TRAPPC2: variants seen among roughly 807,000 people sequenced by gnomAD.
TRAPPC2 encodes trafficking protein particle complex subunit 2.
In TRAPPC2, 4 loss-of-function variants were observed where a neutral mutation model predicts 10.0. The ratio of observed to expected loss-of-function variants is 0.40; its 90% CI spans 0.20 to 0.92. The LOEUF (loss-of-function observed/expected upper bound fraction) is 0.92. Among genes scored for constraint, TRAPPC2 ranks in the 40% least tolerant of loss-of-function variants. The pLI is 0.35. For missense variants in TRAPPC2, 52 were observed against 108.7 expected (o/e 0.48, Z 2.32); for synonymous variants, 36 against 37.3 (o/e 0.97, Z 0.12).
intron 3 of TRAPPC2, among the ~76,000 whole-genome samples, chrX:13,717,279 G>A (rs943262344): frequency 9.0e-6 from 1 of 111,231 alleles, no homozygotes; most frequent in Non-Finnish European, 1.9e-5. Context: ...AGCCCCAGCT[G>A]TGAGCAGTCG....
Position 13,714,234 on chromosome X carries a change from C to T in TRAPPC2, c.*173G>A, listed in dbSNP as rs185982935. On this transcript the variant is annotated 3_prime_UTR_variant, in exon 6 of 6. Transcript: ENST00000380579. ...GGAAATACCAATTGATCTATTGATA[C>T]GTGACATGAGACAGAATGTACTATT... 2.6e-3 allele frequency: 764 copies of T among 289,561 alleles called. 4 individuals carry two copies. The highest frequency in any genetic ancestry group is 0.018 in the African/African-American group (646 of 35,522). 23.9% of individuals were successfully genotyped at this position (289,561 alleles called of 1,213,427 possible).
In TRAPPC2 at chrX:13,714,521, G is replaced by C. The variant is rs2046258989; in HGVS notation, c.325-16C>G. The C allele has an allele frequency of 7.4e-6, 7 of 942,118 alleles. No homozygotes were observed. The highest frequency in any genetic ancestry group is 1.0e-5 in the Non-Finnish European group (7 of 693,240). 77.6% of individuals were successfully genotyped at this position (942,118 alleles called of 1,213,427 possible). A position where few individuals can be genotyped will look rare whatever the true frequency, so the allele number is the denominator to read the frequency against. On this transcript the variant is annotated splice_polypyrimidine_tract_variant and intron_variant, in intron 5 of 5. Transcript: ENST00000380579. Reference sequence around the variant, plus strand: ...TCATTGAAAACTAGGAAAGAAGAAAGTATTAGTGAAGCAAAAAAGCTGACA... The same window carrying C: ...TCATTGAAAACTAGGAAAGAAGAAACTATTAGTGAAGCAAAAAAGCTGACA...
intron 1 of TRAPPC2, 39 bp from the exon 2 acceptor site, chrX:13,734,224 A>G: frequency 2.3e-6 from 1 of 439,911 alleles, no homozygotes; most frequent in Non-Finnish European, 4.0e-6. Context: ...TAAACCTACA[A>G]TGCACAGGAC....
intron 2 of TRAPPC2, chrX:13,720,931 C>A (rs2046392583): frequency 9.3e-6 from 1 of 107,372 alleles, no homozygotes; most frequent in Non-Finnish European, 1.9e-5. Flanking sequence ...GAGGCTGACG[C>A]AGGAGGATCA....
At chrX:13,716,488 G>A (rs1414058140) in intron 4 of TRAPPC2, 46 bp downstream of exon 4, 1 of 1,201,356 alleles carries the variant, frequency 8.3e-7, no homozygotes, top group African/African-American at 1.8e-5. Context: ...TCTGGTTTGT[G>A]AGCCCAAACT....
rs182744941 is a variant in TRAPPC2, at chrX:13,733,384, C to T, written c.-20+660G>A. Among the ~76,000 whole-genome samples the T allele has an allele frequency of 2.7e-5, 3 of 111,634 alleles. No homozygotes were observed. In the East Asian group the frequency reaches 8.4e-4, roughly 31 times the overall value. Reference sequence around the variant, plus strand: ...ATTTTTTCTCCCAAATTCACTTTGACTATATCGAGTTCAGAGCTACTATCA... The same window carrying T: ...ATTTTTTCTCCCAAATTCACTTTGATTATATCGAGTTCAGAGCTACTATCA... On this transcript the variant is annotated intron_variant, in intron 2 of 5. Transcript: ENST00000380579.
chrX:13,722,789 C>T (rs191687758), intron 2 of TRAPPC2, among the ~76,000 whole-genome samples: 39 of 111,736 alleles, frequency 3.5e-4, no homozygotes, highest in African/African-American at 1.2e-3. Flanking sequence ...GTAGGCCAGG[C>T]GCGGTGGCTC....
At chrX:13,723,714 T>G (rs2046478539) in intron 2 of TRAPPC2, among the ~76,000 whole-genome samples, 1 of 110,500 alleles carries the variant, frequency 9.0e-6, no homozygotes, top group African/African-American at 3.3e-5. Flanking sequence ...ACACAGAATT[T>G]GGGAATAGAT....
Position 13,719,995 on chromosome X carries a change from A to C in TRAPPC2, c.-19-13T>G, listed in dbSNP as rs1317209734. 9.8e-7 allele frequency: 1 copy of C among 1,018,298 alleles called. No homozygotes were observed. The highest frequency in any genetic ancestry group is 1.3e-6 in the Non-Finnish European group (1 of 762,573). 83.9% of individuals were successfully genotyped at this position (1,018,298 alleles called of 1,213,427 possible). On this transcript the variant is annotated splice_polypyrimidine_tract_variant and intron_variant, in intron 2 of 5. Coordinates refer to ENST00000380579, the MANE Select transcript of TRAPPC2 (RefSeq NM_001011658.4). Reference sequence around the variant, plus strand: ...CAATATATGGCTCCTAATTAAGTGAAAAATAGTACATATTTTTAGTAGTCA... The same window carrying C: ...CAATATATGGCTCCTAATTAAGTGACAAATAGTACATATTTTTAGTAGTCA...
chrX:13,720,022 T>C, intron 2 of TRAPPC2, 40 bp from the exon 3 acceptor site: 1 of 913,219 alleles, frequency 1.1e-6, no homozygotes, highest in Non-Finnish European at 1.5e-6. Context: ...TAGTAGTCAA[T>C]CTTCAAATTA....
rs954114637 is a variant in TRAPPC2 at position 13,722,859 on chromosome X, C to G, written c.-19-2877G>C. Among the ~76,000 whole-genome samples, 4 of 111,082 alleles carry G rather than the reference C, an allele frequency of 3.6e-5. No homozygotes were observed. In the East Asian group the frequency reaches 8.6e-4, roughly 24 times the overall value. Reference sequence around the variant, plus strand: ...TGGGCGGATCACGAGGTCAGGAGATCGAGACCATCCTGGCTAACATGGTGA... The same window carrying G: ...TGGGCGGATCACGAGGTCAGGAGATGGAGACCATCCTGGCTAACATGGTGA... On this transcript the variant is annotated intron_variant, in intron 2 of 5. Coordinates refer to ENST00000380579, the MANE Select transcript of TRAPPC2 (RefSeq NM_001011658.4).
intron 5 of TRAPPC2, 97 bp from the exon 6 acceptor site, chrX:13,714,602 C>T: frequency 2.1e-6 from 1 of 481,609 alleles, no homozygotes; most frequent in Middle Eastern, 3.6e-4. Flanking sequence ...AAACCAAAGA[C>T]ATTCCAAAGT....
At position 13,716,660 on chromosome X, in the gene TRAPPC2, T is replaced by A; in HGVS notation, c.112A>T (p.Asn38Tyr). The A allele has an allele frequency of 8.3e-7, 1 of 1,211,852 alleles. No individual in the cohort carries two copies. The highest frequency in any genetic ancestry group is 1.1e-6 in the Non-Finnish European group (1 of 895,416). Residue 38 changes from asparagine (N) to tyrosine (Y), a missense_variant, in exon 4 of 6, where the codon AAC becomes TAC. By Grantham distance (143) the Asn-to-Tyr change is moderately radical. Transcript: ENST00000380579. ...AGAGCAGCATGAGCTATGAACTGGT[T>A]CAGATGACGATGGTCGTCCTAGATG... ...AESKDDHRHL[N>Y]QFIAHAALDL...
chrX:13,729,245 C>A (rs1205436785), intron 2 of TRAPPC2, among the ~76,000 whole-genome samples: 3 of 111,945 alleles, frequency 2.7e-5, no homozygotes. Flanking sequence ...TTGAAAAAAA[C>A]TACTTTAAAG....
intron 2 of TRAPPC2, among the ~76,000 whole-genome samples, chrX:13,728,856 G>A (rs1163253881): frequency 8.9e-6 from 1 of 111,774 alleles, no homozygotes; most frequent in Non-Finnish European, 1.9e-5. Context: ...AAAACCCCAT[G>A]GTCTCAGTCC....
chrX:13,720,863 A>C (rs1320357509), intron 2 of TRAPPC2: 1 of 110,123 alleles, frequency 9.1e-6, no homozygotes, highest in African/African-American at 3.3e-5. Context: ...CCATCTCTAC[A>C]TGAAATACAA....
chrX:13,725,920 T>C (rs913857023), intron 2 of TRAPPC2, among the ~76,000 whole-genome samples: 1 of 111,684 alleles, frequency 9.0e-6, no homozygotes, highest in South Asian at 3.7e-4. Context: ...TTAAATGACC[T>C]GAGGGAGCTA....
Position 13,719,898 on chromosome X carries a change from A to G in TRAPPC2, c.66T>C (p.Phe22=), listed in dbSNP as rs2046372178. The change falls in exon 3 of 6, where the codon TTT becomes TTC. Residue 22 remains phenylalanine (F), a synonymous_variant. Coordinates refer to ENST00000380579, the MANE Select transcript of TRAPPC2 (RefSeq NM_001011658.4). ...TGGATTCTGCCTTCCCAGCTGGCAA[A>G]AACTCCATTTCAAAAACTGGATTAT... ...HHDNPVFEME[F]LPAGKAESKD... 2 of 1,202,143 alleles carry G rather than the reference A, an allele frequency of 1.7e-6. No individual in the cohort carries two copies. Among genetic ancestry groups the G allele is most frequent in the Non-Finnish European group, 2.2e-6 (2 of 890,742 alleles).
chrX:13,725,193 G>A (rs777282052), intron 2 of TRAPPC2, among the ~76,000 whole-genome samples: 5 of 113,199 alleles, frequency 4.4e-5, no homozygotes, highest in Non-Finnish European at 7.5e-5. Flanking sequence ...AAAGGCAGCA[G>A]ACAACTTCTG....
Sources: gnomAD v4.1 joint callset for allele counts (sites outside exome capture counted in the v4.1 genomes callset) on GRCh38, gnomAD v4.1.1 for gene constraint, MANE v1.5 for transcripts, NCBI Gene and HGNC (gene_info 2026-07-23, HGNC 2026-07-21) for gene names.